REDIC1: variants seen among roughly 807,000 people sequenced by gnomAD.
REDIC1 encodes the protein regulator of DNA class I crossover intermediates 1.
chr12:39,789,820 T>C, the REDIC1 span, among the ~76,000 whole-genome samples: 1 of 152,298 alleles, frequency 6.6e-6, no homozygotes, highest in Non-Finnish European at 1.5e-5. Context: ...CACATATTTA[T>C]TGGCCATTTG....
the REDIC1 span, among the ~76,000 whole-genome samples, chr12:39,640,361 C>T: frequency 6.6e-6 from 1 of 151,890 alleles, no homozygotes; most frequent in East Asian, 1.9e-4. Flanking sequence ...ACTTCCTAGC[C>T]TCTAGAACTG....
At chr12:39,834,628 A>C in the REDIC1 span, among the ~76,000 whole-genome samples, 1 of 151,960 alleles carries the variant, frequency 6.6e-6, no homozygotes, top group Admixed American at 6.6e-5. Context: ...AAGTATCAAA[A>C]AGTGTTCAAT....
chr12:39,815,914 T>C, the REDIC1 span, among the ~76,000 whole-genome samples: 1 of 152,238 alleles, frequency 6.6e-6, no homozygotes, highest in Non-Finnish European at 1.5e-5. Context: ...TCAGAGCCAG[T>C]GACATTATGA....
At chr12:39,702,594 A>G in the REDIC1 span, among the ~76,000 whole-genome samples, 1 of 152,186 alleles carries the variant, frequency 6.6e-6, no homozygotes, top group Non-Finnish European at 1.5e-5. Context: ...TGAGGCCAGC[A>G]TCATCCTGAT....
chr12:39,739,268 A>G, the REDIC1 span, among the ~76,000 whole-genome samples: 75 of 152,310 alleles, frequency 4.9e-4, no homozygotes, highest in Admixed American at 1.7e-3. Flanking sequence ...CCATATGGAA[A>G]TAAATGCCTA....
chr12:39,908,270 A>G, the REDIC1 span: 2 of 152,104 alleles, frequency 1.3e-5, no homozygotes, highest in East Asian at 1.9e-4. Context: ...TTATTTCCTA[A>G]TGTTTTTAAT....
the REDIC1 span, among the ~76,000 whole-genome samples, chr12:39,743,074 C>CT: frequency 0.98 from 149,178 of 152,262 alleles, 73,089 homozygotes; most frequent in East Asian, 1. Context: ...GAAAAATCCC[C>CT]TGTGCCTCTG....
At chr12:39,666,042 T>C in the REDIC1 span, among the ~76,000 whole-genome samples, 1 of 152,204 alleles carries the variant, frequency 6.6e-6, no homozygotes, top group African/African-American at 2.4e-5. Flanking sequence ...CTTTTCCTAC[T>C]TGATTATCCT....
chr12:39,866,504 G>A, the REDIC1 span, among the ~76,000 whole-genome samples: 65 of 151,488 alleles, frequency 4.3e-4, no homozygotes, highest in Non-Finnish European at 1.6e-4. Context: ...TTTTTGAGAC[G>A]GAGTCTCGCT....
chr12:39,898,940 C>A, the REDIC1 span, among the ~76,000 whole-genome samples: 2 of 152,136 alleles, frequency 1.3e-5, no homozygotes, highest in Admixed American at 6.6e-5. Flanking sequence ...ATCTAAAATT[C>A]TCTTTTTTCG....
chr12:39,670,094 C>G, the REDIC1 span, among the ~76,000 whole-genome samples: 2 of 152,158 alleles, frequency 1.3e-5, no homozygotes, highest in African/African-American at 4.8e-5. Context: ...GAGATGAACC[C>G]GGTACCTCAG....
the REDIC1 span, among the ~76,000 whole-genome samples, chr12:39,726,968 A>G: frequency 1.3e-5 from 2 of 152,140 alleles, no homozygotes; most frequent in Non-Finnish European, 2.9e-5. Flanking sequence ...TCTTCTTTTG[A>G]GAAGTGTCTG....
the REDIC1 span, among the ~76,000 whole-genome samples, chr12:39,671,009 T>G: frequency 6.6e-6 from 1 of 152,196 alleles, no homozygotes. Context: ...TATCATGATT[T>G]CGAATTCTTT....
At chr12:39,863,428 G>A in the REDIC1 span, among the ~76,000 whole-genome samples, 2 of 152,032 alleles carry the variant, frequency 1.3e-5, no homozygotes, top group African/African-American at 4.8e-5. Flanking sequence ...TCTGACTTTA[G>A]TTGACCTAAC....
At chr12:39,837,650 A>G in the REDIC1 span, among the ~76,000 whole-genome samples, 1 of 151,018 alleles carries the variant, frequency 6.6e-6, no homozygotes, top group African/African-American at 2.4e-5. Context: ...ACAAGAAAAA[A>G]ACAAACAACC....
At chr12:39,715,056 C>A in the REDIC1 span, among the ~76,000 whole-genome samples, 2 of 151,918 alleles carry the variant, frequency 1.3e-5, no homozygotes, top group Non-Finnish European at 2.9e-5. Flanking sequence ...CGTGCAAAAG[C>A]TCTTTAGTTT....
chr12:39,760,953 A>AACACACACACACACACACACACAC, the REDIC1 span, among the ~76,000 whole-genome samples: 1,946 of 101,568 alleles, frequency 0.019, 129 homozygotes, highest in Admixed American at 0.07. Context: ...GTCTCTACCA[A>AACACACACACACACACACACACAC]ACACACACAC....
chr12:39,664,264 C>A, the REDIC1 span, among the ~76,000 whole-genome samples: 1 of 146,290 alleles, frequency 6.8e-6, no homozygotes, highest in Non-Finnish European at 1.5e-5. Flanking sequence ...TGTGATGTTC[C>A]CCTTCCTGTG....
chr12:39,711,587 G>A, the REDIC1 span, among the ~76,000 whole-genome samples: 26 of 50,774 alleles, frequency 5.1e-4, 1 homozygote, highest in South Asian at 0.014. Flanking sequence ...ACACATGCAT[G>A]TGTATATGTG....
Sources: gnomAD v4.1 joint callset for allele counts (sites outside exome capture counted in the v4.1 genomes callset) on GRCh38, gnomAD v4.1.1 for gene constraint, MANE v1.5 for transcripts, NCBI Gene and HGNC (gene_info 2026-07-23, HGNC 2026-07-21) for gene names.